The following GNAO1 variants were observed in gnomAD, a reference collection of about 807,000 sequenced individuals.
The protein encoded by GNAO1 is guanine nucleotide-binding protein G(o) subunit alpha.
For synonymous variants in GNAO1, 164 were observed against 180.7 expected (o/e 0.91, Z 0.74); for missense variants, 166 against 478.7 (o/e 0.35, Z 6.10).
At chr16:56,341,453 C>G (rs903279700) in intron 6 of GNAO1, among the ~76,000 whole-genome samples, 19 of 152,238 alleles carry the variant, frequency 1.2e-4, no homozygotes, top group Non-Finnish European at 1.9e-4. Context: ...TTGCCCTCGC[C>G]TCCCTCACCA....
intron 2 of GNAO1, among the ~76,000 whole-genome samples, chr16:56,232,096 G>A (rs993789051): frequency 5.9e-5 from 9 of 152,000 alleles, no homozygotes; most frequent in Non-Finnish European, 1.0e-4. Flanking sequence ...ACACAGCAAG[G>A]CGTTGACGGA....
chr16:56,298,080 G>T (rs539095826), intron 3 of GNAO1, among the ~76,000 whole-genome samples: 1 of 152,314 alleles, frequency 6.6e-6, no homozygotes, highest in African/African-American at 2.4e-5. Context: ...GCCGAGGTGG[G>T]AGGATCACTT....
chr16:56,331,229 C>T (rs577556921), intron 4 of GNAO1, among the ~76,000 whole-genome samples: 145 of 152,300 alleles, frequency 9.5e-4, no homozygotes, highest in African/African-American at 3.3e-3. Context: ...GCTCTTGGTG[C>T]ACCCCGGCCT....
At chr16:56,242,791 A>G (rs1204222746) in intron 2 of GNAO1, among the ~76,000 whole-genome samples, 1 of 152,240 alleles carries the variant, frequency 6.6e-6, no homozygotes, top group Non-Finnish European at 1.5e-5. Context: ...ACAATAGATA[A>G]ATTAGACTTT....
intron 3 of GNAO1, among the ~76,000 whole-genome samples, chr16:56,328,001 G>A (rs1057321569): frequency 7.9e-5 from 12 of 152,136 alleles, no homozygotes; most frequent in African/African-American, 2.7e-4. Flanking sequence ...ATTTAGTGTT[G>A]GCATGAGATA....
chr16:56,206,216 A>C (rs2036326532), intron 2 of GNAO1, among the ~76,000 whole-genome samples: 1 of 151,126 alleles, frequency 6.6e-6, no homozygotes. Flanking sequence ...GCTACTCGGG[A>C]GGCTGAGGCA....
chr16:56,346,877 G>A (rs2037875633), intron 6 of GNAO1: 1 of 985,320 alleles, frequency 1.0e-6, no homozygotes, highest in African/African-American at 1.7e-5. Flanking sequence ...ATAAACCCCA[G>A]CAGGGAAGGC....
At chr16:56,340,820 C>T (rs1250641701) in intron 6 of GNAO1, 1 of 1,612,132 alleles carries the variant, frequency 6.2e-7, no homozygotes, top group Admixed American at 1.7e-5. Flanking sequence ...ACTCACCCCT[C>T]CACTCTGTTG....
chr16:56,325,135 G>C (rs2037618674), intron 3 of GNAO1, among the ~76,000 whole-genome samples: 1 of 152,228 alleles, frequency 6.6e-6, no homozygotes, highest in African/African-American at 2.4e-5. Context: ...GGCCTAATCA[G>C]AGGGTTGGGA....
chr16:56,276,147 C>T, intron 3 of GNAO1, 75 bp downstream of exon 3: 3 of 1,299,832 alleles, frequency 2.3e-6, no homozygotes, highest in Non-Finnish European at 3.2e-6. Context: ...CTTTATAGTG[C>T]TGGGCTGCCT....
At chr16:56,266,341 T>C (rs1305643935) in intron 2 of GNAO1, among the ~76,000 whole-genome samples, 1 of 152,184 alleles carries the variant, frequency 6.6e-6, no homozygotes, top group African/African-American at 2.4e-5. Flanking sequence ...GGAAGCAGCC[T>C]TTATGCCTGG....
rs572624943 is a variant in GNAO1 at position 56,314,842 on chromosome 16, C to G, written c.304-13789C>G. Among the ~76,000 whole-genome samples the G allele has an allele frequency of 1.3e-3, 191 of 152,260 alleles. 1 individual carries two copies. The highest frequency in any genetic ancestry group is 2.4e-3 in the Non-Finnish European group (160 of 68,008). On this transcript the variant is annotated intron_variant, in intron 3 of 8. Coordinates refer to ENST00000262493, the MANE Select transcript of GNAO1 (RefSeq NM_020988.3). ...GACCCCTCGGGGTCCACTGACCACC[C>G]TTTGAGAACCGCTGATCTAGCCAAT... is the stretch of plus-strand genomic sequence containing the variant.
chr16:56,199,891 C>A (rs996159254), intron 2 of GNAO1, among the ~76,000 whole-genome samples: 1 of 152,186 alleles, frequency 6.6e-6, no homozygotes, highest in Non-Finnish European at 1.5e-5. Flanking sequence ...AAAATAAAAT[C>A]TTGCAAGGCT....
At chr16:56,318,409 G>A (rs2037535742) in intron 3 of GNAO1, among the ~76,000 whole-genome samples, 1 of 152,238 alleles carries the variant, frequency 6.6e-6, no homozygotes, top group Non-Finnish European at 1.5e-5. Context: ...CGCGATGGCC[G>A]CCGGGCCCGG....
chr16:56,299,132 G>A (rs561118923), intron 3 of GNAO1, among the ~76,000 whole-genome samples: 13 of 152,298 alleles, frequency 8.5e-5, no homozygotes, highest in Middle Eastern at 3.4e-3. Context: ...TCACACAGCT[G>A]ACAGATGGCA....
chr16:56,209,761 TCACAG>T (rs1481189508), intron 2 of GNAO1, among the ~76,000 whole-genome samples: 6 of 152,174 alleles, frequency 3.9e-5, no homozygotes, highest in African/African-American at 1.4e-4. Context: ...AGTTTTAGAT[TCACAG>T]CAGAATTGAG....
intron 3 of GNAO1, among the ~76,000 whole-genome samples, chr16:56,324,368 G>T (rs753701859): frequency 6.6e-6 from 1 of 152,146 alleles, no homozygotes; most frequent in Non-Finnish European, 1.5e-5. Flanking sequence ...CTGCTCTCAG[G>T]TCCTGACTTG....
intron 6 of GNAO1, chr16:56,346,177 C>CT: frequency 1.0e-6 from 1 of 985,490 alleles, no homozygotes; most frequent in Non-Finnish European, 1.2e-6. Context: ...TCAGGGGTAT[C>CT]CGGGGAGAAA....
intron 3 of GNAO1, 126 bp downstream of exon 3, chr16:56,276,198 ATGG>A: frequency 1.3e-6 from 1 of 788,890 alleles, no homozygotes; most frequent in South Asian, 2.4e-5. Context: ...TGAAAGATAT[ATGG>A]TGGCACAGTC....
Sources: allele counts gnomAD v4.1 joint callset (sites outside exome capture counted in the v4.1 genomes callset), GRCh38; gene constraint gnomAD v4.1.1; transcripts MANE v1.5; gene names NCBI Gene and HGNC (gene_info 2026-07-23, HGNC 2026-07-21).